Variants in PARP4 observed in about 807,000 individuals in gnomAD.
PARP4 encodes protein mono-ADP-ribosyltransferase PARP4.
In PARP4, 120 loss-of-function variants were observed where a neutral mutation model predicts 187.7. That is an observed-to-expected ratio of 0.64 (90% CI 0.55 to 0.74). PARP4 has a LOEUF of 0.74. Ranked by LOEUF, PARP4 falls within the 30% of genes least tolerant of loss-of-function variation. The pLI, the probability that PARP4 is intolerant of heterozygous loss-of-function variation, is 0.00. For missense variants in PARP4, 1,836 were observed against 2,070.5 expected, an observed-to-expected ratio of 0.89 and a Z score of 2.20; for synonymous variants, 654 against 740.9, an observed-to-expected ratio of 0.88 and a Z score of 1.90.
chr13:24,477,457 C>A (rs1349368291), intron 14 of PARP4, among the ~76,000 whole-genome samples: 1 of 149,836 alleles, frequency 6.7e-6, no homozygotes. Flanking sequence ...GACCCTGTCT[C>A]AAAAAAAAAG....
At chr13:24,492,368 C>A (rs940918803) in intron 9 of PARP4, 53 bp downstream of exon 9, 1 of 1,305,906 alleles carries the variant, frequency 7.7e-7, no homozygotes, top group Non-Finnish European at 1.1e-6. Context: ...TCTAAAGACC[C>A]CCACCCTCAA....
In PARP4 at chr13:24,452,408, G is replaced by A. The variant is rs766743828; in HGVS notation, c.3012C>T (p.Ile1004=). The part of the protein sequence containing the change: ...RPHTRLFACG[I]GSTANRHVLR... ...GTGACCAGCTCTCTGAGACTCACCCGATACCGCAGGCGAATAACCTGGTGT... is the reference window on the plus strand; with the variant it reads ...GTGACCAGCTCTCTGAGACTCACCCAATACCGCAGGCGAATAACCTGGTGT... Residue 1004 remains isoleucine (I), a splice_region_variant and synonymous_variant, in exon 24 of 34, where the codon ATC becomes ATT. Transcript: ENST00000381989. The A allele has an allele frequency of 6.2e-6, 10 of 1,610,928 alleles. No individual in the cohort carries two copies. In the East Asian group the frequency reaches 6.7e-5, roughly 11 times the overall value.
Position 24,469,101 on chromosome 13 carries a change from T to C in PARP4, c.2056A>G (p.Lys686Glu). 6.2e-7 allele frequency: 1 copy of C among 1,609,678 alleles called. No homozygotes were observed. Among genetic ancestry groups the C allele is most frequent in the African/African-American group, 1.3e-5 (1 of 74,938 alleles). ...GKHIVGEIKEKEEAQQEYLEA... is the reference protein window; with the variant it reads ...GKHIVGEIKEEEEAQQEYLEA... Reference sequence around the variant, plus strand: ...AGGTACTCTTGCTGGGCTTCTTCCTTCTCTTTAATCTGGAAAAGATGAGTT... The same window carrying C: ...AGGTACTCTTGCTGGGCTTCTTCCTCCTCTTTAATCTGGAAAAGATGAGTT... The change falls in exon 17 of 34, where the codon AAG (lysine) becomes GAG (glutamate). Residue 686 changes from lysine (K) to glutamate (E), a missense_variant. Transcript: ENST00000381989.
chr13:24,496,937 C>T lies in PARP4; in HGVS notation c.591+1179G>A, dbSNP rs58051881. On this transcript the variant is annotated intron_variant, in intron 6 of 33. Coordinates refer to ENST00000381989, the MANE Select transcript of PARP4 (RefSeq NM_006437.4). The stretch of plus-strand genomic sequence containing the variant: ...ACTCAGGAGGCTGAGGCACAAGAAT[C>T]GCTTGAACCTGGGAGGCAGAGGTTG... Among the ~76,000 whole-genome samples, 548 of 152,180 alleles carry T rather than the reference C, an allele frequency of 3.6e-3. 4 individuals carry two copies. The highest frequency in any genetic ancestry group is 0.013 in the African/African-American group (526 of 41,524).
At position 24,452,430 on chromosome 13, in the gene PARP4, G is replaced by A; in HGVS notation, c.2990C>T (p.Thr997Ile). ...LQLVKRSRPH[T>I]RLFACGIGST... Reference sequence around the variant, plus strand: ...CCCGATACCGCAGGCGAATAACCTGGTGTGCGGGCGGCTCCTCTTCACGAG... The same window carrying A: ...CCCGATACCGCAGGCGAATAACCTGATGTGCGGGCGGCTCCTCTTCACGAG... Residue 997 changes from threonine to isoleucine, a missense_variant, in exon 24 of 34, where the codon ACC becomes ATC. Physicochemically the swap from Thr to Ile is moderately conservative, Grantham distance 89. Around this residue, in one of 8 missense-constraint regions of PARP4, gnomAD observed 1,147 missense variants for 1,214.2 expected, o/e 0.94. Transcript: ENST00000381989. The A allele has an allele frequency of 6.2e-7, 1 of 1,613,692 alleles. No homozygotes were observed. The highest frequency in any genetic ancestry group is 8.5e-7 in the Non-Finnish European group (1 of 1,179,880).
intron 22 of PARP4, among the ~76,000 whole-genome samples, chr13:24,454,474 C>A (rs1871713436): frequency 6.6e-6 from 1 of 152,182 alleles, no homozygotes; most frequent in African/African-American, 2.4e-5. Flanking sequence ...GCTGAGACGT[C>A]CCTGGGCCCC....
intron 33 of PARP4, among the ~76,000 whole-genome samples, chr13:24,425,130 C>G (rs1161503575): frequency 6.6e-6 from 1 of 152,022 alleles, no homozygotes; most frequent in Non-Finnish European, 1.5e-5. Flanking sequence ...GGCAAAGCCC[C>G]TTCTTTACAA....
intron 1 of PARP4, among the ~76,000 whole-genome samples, chr13:24,504,461 G>A (rs1235925559): frequency 4.0e-5 from 6 of 151,222 alleles, no homozygotes; most frequent in Non-Finnish European, 8.8e-5. Flanking sequence ...CTACATGCGC[G>A]CACCACCACA....
chr13:24,426,705 C>A, intron 32 of PARP4, 107 bp from the exon 33 acceptor site: 1 of 966,186 alleles, frequency 1.0e-6, no homozygotes, highest in Non-Finnish European at 1.6e-6. Flanking sequence ...CTGGCTAACA[C>A]AATGAAACTC....
chr13:24,437,911 T>A (rs1345124932), intron 30 of PARP4, among the ~76,000 whole-genome samples: 1 of 151,552 alleles, frequency 6.6e-6, no homozygotes, highest in Non-Finnish European at 1.5e-5. Context: ...ATAAAACTCC[T>A]TCTTGAATAG....
At position 24,505,869 on chromosome 13, in the gene PARP4, G is replaced by A. The variant is rs114572835; in HGVS notation, c.-1-2092C>T. On this transcript the variant is annotated intron_variant, in intron 1 of 33. Transcript: ENST00000381989. ...TGAGGATCGCGGTTCCGGGTCCTGTGTTAGCTTGGGCAGGCAGGTCAGGTT... is the reference window on the plus strand; with the variant it reads ...TGAGGATCGCGGTTCCGGGTCCTGTATTAGCTTGGGCAGGCAGGTCAGGTT... 4.5e-3 allele frequency among the ~76,000 whole-genome samples: 679 copies of A among 152,378 alleles called. 3 individuals carry two copies. The highest frequency in any genetic ancestry group is 0.016 in the African/African-American group (654 of 41,580).
chr13:24,433,591 A>G (rs1447942675), intron 31 of PARP4, among the ~76,000 whole-genome samples: 1 of 152,210 alleles, frequency 6.6e-6, no homozygotes, highest in Admixed American at 6.5e-5. Context: ...CATCTGCAGT[A>G]TGCTCCTGGC....
chr13:24,474,127 C>T (rs932160190), intron 15 of PARP4, among the ~76,000 whole-genome samples: 2 of 152,174 alleles, frequency 1.3e-5, no homozygotes, highest in Non-Finnish European at 2.9e-5. Context: ...TAAGTGCAAA[C>T]ATGATCCTTC....
intron 5 of PARP4, among the ~76,000 whole-genome samples, chr13:24,498,965 A>T (rs1269905691): frequency 6.6e-6 from 1 of 152,178 alleles, no homozygotes; most frequent in East Asian, 1.9e-4. Flanking sequence ...AACACTAAAA[A>T]TTTAAACTTT....
At chr13:24,471,730 C>T (rs939390590) in intron 15 of PARP4, among the ~76,000 whole-genome samples, 1 of 152,108 alleles carries the variant, frequency 6.6e-6, no homozygotes, top group African/African-American at 2.4e-5. Context: ...CAGGCCTCTT[C>T]GGGTTTGAAA....
At position 24,478,190 on chromosome 13, in the gene PARP4, TCCA is replaced by T. The variant is rs754265876; in HGVS notation, c.1532_1534del (p.Met511_Asp512delinsAsn). 4 of 1,613,758 alleles carry T rather than the reference TCCA, an allele frequency of 2.5e-6. No homozygotes were observed. In the African/African-American group the frequency reaches 4.0e-5, roughly 16 times the overall value. On this transcript the variant is annotated inframe_deletion, in exon 13 of 34. Coordinates refer to ENST00000381989, the MANE Select transcript of PARP4 (RefSeq NM_006437.4). The stretch of plus-strand genomic sequence containing the variant: ...TAAGGAAAAGTCCTTCTCATGTAAG[TCCA>T]TACACTTTCCGAGGGCTACGTCACA...
intron 1 of PARP4, among the ~76,000 whole-genome samples, chr13:24,505,137 A>C (rs1344947554): frequency 1.4e-5 from 2 of 146,942 alleles, no homozygotes; most frequent in Admixed American, 6.8e-5. Context: ...GGGTTAAAGA[A>C]AGACACACAC....
intron 12 of PARP4, among the ~76,000 whole-genome samples, chr13:24,480,710 A>G (rs1002932080): frequency 2.0e-5 from 3 of 152,244 alleles, no homozygotes; most frequent in South Asian, 2.1e-4. Flanking sequence ...ACTCTGTTCA[A>G]TTCTATGAAG....
At chr13:24,465,848 C>G (rs1250380438) in intron 17 of PARP4, among the ~76,000 whole-genome samples, 1 of 151,544 alleles carries the variant, frequency 6.6e-6, no homozygotes, top group Non-Finnish European at 1.5e-5. Context: ...AAACACACGA[C>G]AACAATATCA....
Sources: allele counts gnomAD v4.1 joint callset (sites outside exome capture counted in the v4.1 genomes callset), GRCh38; gene constraint gnomAD v4.1.1; regional missense constraint gnomAD v4.1.1; transcripts MANE v1.5; gene names NCBI Gene and HGNC (gene_info 2026-07-23, HGNC 2026-07-21).